Variants in DAG1 observed in about 807,000 individuals in gnomAD.
DAG1 encodes the protein dystroglycan 1 (dystrophin-associated glycoprotein 1).
Under a neutral mutation model 46.1 loss-of-function variants are expected in DAG1, and 8 were observed. That is an observed-to-expected ratio of 0.17 (90% CI 0.10 to 0.31). The LOEUF (loss-of-function observed/expected upper bound fraction) is 0.31, where lower values mean the gene tolerates loss of function less well. Ranked by LOEUF, DAG1 falls within the 10% of genes least tolerant of loss-of-function variation. The probability of loss-of-function intolerance (pLI) is 1.00; values close to 1 mark genes in which losing one functional copy is unlikely to be tolerated. For missense variants in DAG1, 1,003 were observed against 1,189.9 expected, an observed-to-expected ratio of 0.84 and a Z score of 2.31; for synonymous variants, 495 against 481.8, an observed-to-expected ratio of 1.03 and a Z score of -0.36.
chr3:49,531,008 C>G lies in DAG1; in HGVS notation c.497C>G (p.Ser166Trp). ...VYPEDHSELQSVRTASPDPGE... is the reference protein window; with the variant it reads ...VYPEDHSELQWVRTASPDPGE... ...CCTGAAGACCACAGTGAGCTGCAGT[C>G]GGTGAGGACAGCCTCCCCAGACCCT... Residue 166 changes from serine to tryptophan, a missense_variant, in exon 3 of 3, where the codon TCG (serine) becomes TGG (tryptophan). Ser to Trp is a radical substitution (Grantham distance 177). Coordinates refer to ENST00000308775, the MANE Select transcript of DAG1 (RefSeq NM_004393.6). This position sits in a 1 kb window ranked among gnomAD's most constrained non-coding sequence, Gnocchi z 7.0. 6.2e-7 allele frequency: 1 copy of G among 1,614,176 alleles called. No individual in the cohort carries two copies. Among genetic ancestry groups the G allele is most frequent in the Non-Finnish European group, 8.5e-7 (1 of 1,180,034 alleles).
At chr3:49,526,723 T>A (rs879812675) in intron 2 of DAG1, among the ~76,000 whole-genome samples, 25 of 151,840 alleles carry the variant, frequency 1.6e-4, no homozygotes, top group Non-Finnish European at 2.5e-4. Flanking sequence ...TCTCAAAAAA[T>A]AAATAAATAA....
chr3:49,520,922 C>T (rs1440879329), intron 2 of DAG1, among the ~76,000 whole-genome samples: 2 of 152,072 alleles, frequency 1.3e-5, no homozygotes, highest in Non-Finnish European at 1.5e-5. Flanking sequence ...CTTGTGTTTT[C>T]TTGGTTTCAT....
chr3:49,482,796 C>T (rs957997040), intron 1 of DAG1, among the ~76,000 whole-genome samples: 1 of 152,130 alleles, frequency 6.6e-6, no homozygotes, highest in Non-Finnish European at 1.5e-5. Flanking sequence ...GAATTGGAAT[C>T]AAATTCTTTT....
chr3:49,521,880 C>T (rs1255773956), intron 2 of DAG1, among the ~76,000 whole-genome samples: 2 of 150,522 alleles, frequency 1.3e-5, no homozygotes, highest in South Asian at 2.1e-4. Context: ...GATGGAGTCT[C>T]GCTCTGTCGC....
chr3:49,480,115 ATT>A (rs34246427), intron 1 of DAG1, among the ~76,000 whole-genome samples: 31 of 108,732 alleles, frequency 2.9e-4, no homozygotes, highest in African/African-American at 4.6e-4. Flanking sequence ...ACACCCGGCT[ATT>A]TTTTTTTTTT....
At chr3:49,505,285 AT>A (rs1469496737) in intron 1 of DAG1, among the ~76,000 whole-genome samples, 1 of 150,082 alleles carries the variant, frequency 6.7e-6, no homozygotes, top group Non-Finnish European at 1.5e-5. Context: ...CCCCGCCCTT[AT>A]TTTTTTTTAA....
chr3:49,486,933 A>T (rs934666303), intron 1 of DAG1, among the ~76,000 whole-genome samples: 1 of 152,162 alleles, frequency 6.6e-6, no homozygotes, highest in South Asian at 2.1e-4. Context: ...TCTGTTGCCC[A>T]GGCTGGAGTG....
chr3:49,528,865 T>TTC (rs1422203309), intron 2 of DAG1, among the ~76,000 whole-genome samples: 1 of 151,810 alleles, frequency 6.6e-6, no homozygotes, highest in South Asian at 2.1e-4. Flanking sequence ...TTTTTTTTTT[T>TTC]TCTGAGATGG....
At chr3:49,528,275 A>ATTTTTTTTTTT (rs147292984) in intron 2 of DAG1, among the ~76,000 whole-genome samples, 852 of 66,600 alleles carry the variant, frequency 0.013, 170 homozygotes, top group Non-Finnish European at 0.017. Context: ...AAATAGTGTG[A>ATTTTTTTTTTT]TTTTTTTTTT....
intron 1 of DAG1, among the ~76,000 whole-genome samples, chr3:49,500,987 A>C (rs979269648): frequency 3.9e-5 from 6 of 152,244 alleles, no homozygotes; most frequent in African/African-American, 1.4e-4. Context: ...TAGCACAGGC[A>C]GACATGACCC....
chr3:49,503,025 T>G (rs1217742817), intron 1 of DAG1, among the ~76,000 whole-genome samples: 1 of 152,224 alleles, frequency 6.6e-6, no homozygotes, highest in East Asian at 1.9e-4. Context: ...GAAAGCCTAT[T>G]GATATATTTT....
chr3:49,478,970 C>G (rs900692919), intron 1 of DAG1, among the ~76,000 whole-genome samples: 1 of 151,594 alleles, frequency 6.6e-6, no homozygotes. Context: ...CCCACCATCA[C>G]GCCGAGCTAA....
At chr3:49,481,932 GA>G (rs1485641176) in intron 1 of DAG1, among the ~76,000 whole-genome samples, 12 of 152,008 alleles carry the variant, frequency 7.9e-5, no homozygotes, top group African/African-American at 2.9e-4. Context: ...AAATATTTGG[GA>G]AAAAAGGATG....
At chr3:49,519,468 C>G (rs1315963264) in intron 2 of DAG1, among the ~76,000 whole-genome samples, 6 of 152,158 alleles carry the variant, frequency 3.9e-5, no homozygotes, top group Non-Finnish European at 8.8e-5. Context: ...ACAATGGGCA[C>G]TCTCTTTGGC....
chr3:49,472,713 A>C (rs1027798483), intron 1 of DAG1, among the ~76,000 whole-genome samples: 1 of 152,124 alleles, frequency 6.6e-6, no homozygotes, highest in Non-Finnish European at 1.5e-5. Context: ...AGGCTGAGGC[A>C]GGAGAATGGC....
chr3:49,501,018 T>A (rs1341787890), intron 1 of DAG1, among the ~76,000 whole-genome samples: 1 of 152,142 alleles, frequency 6.6e-6, no homozygotes, highest in Non-Finnish European at 1.5e-5. Flanking sequence ...GAAGCCAGCA[T>A]CAGAAAGACA....
intron 1 of DAG1, among the ~76,000 whole-genome samples, chr3:49,481,344 C>T (rs2049875931): frequency 6.9e-6 from 1 of 145,154 alleles, no homozygotes; most frequent in Admixed American, 7.1e-5. Flanking sequence ...TTGCAGTGAG[C>T]TGAGATAGTG....
rs759487039 is a variant in DAG1 at position 49,533,736 on chromosome 3, G to A, written c.*537G>A. On this transcript the variant is annotated 3_prime_UTR_variant, in exon 3 of 3. Coordinates refer to ENST00000308775, the MANE Select transcript of DAG1 (RefSeq NM_004393.6). Reference sequence around the variant, plus strand: ...CCTAAACTTGTATGTATAATTTTTGGGTGGGTATGGGGAATTGCTTTGCTA... The same window carrying A: ...CCTAAACTTGTATGTATAATTTTTGAGTGGGTATGGGGAATTGCTTTGCTA... The A allele has an allele frequency of 1.1e-5, 3 of 261,582 alleles. No individual in the cohort carries two copies. The highest frequency in any genetic ancestry group is 2.3e-5 in the African/African-American group (1 of 43,602). 16.2% of individuals were successfully genotyped at this position (261,582 alleles called of 1,614,324 possible).
Position 49,533,694 on chromosome 3 carries a change from G to A in DAG1, c.*495G>A, listed in dbSNP as rs2051434465. 3 of 292,400 alleles carry A rather than the reference G, an allele frequency of 1.0e-5. No individual in the cohort carries two copies. The highest frequency in any genetic ancestry group is 3.2e-5 in the South Asian group (1 of 31,658). The allele number at this position is 292,400 out of a possible 1,614,324, so 18.1% of individuals were successfully genotyped here. A position where few individuals can be genotyped will look rare whatever the true frequency, so the allele number is the denominator to read the frequency against. On this transcript the variant is annotated 3_prime_UTR_variant, in exon 3 of 3. Coordinates refer to ENST00000308775, the MANE Select transcript of DAG1 (RefSeq NM_004393.6). ...TCAGAAGTTAAGGTTAAGTTTTTAC[G>A]TTTAATCTGCTGTTTACCTAAACTT...
Sources: allele counts gnomAD v4.1 joint callset (sites outside exome capture counted in the v4.1 genomes callset), GRCh38; gene constraint gnomAD v4.1.1; non-coding constraint Gnocchi (gnomAD v3.1); transcripts MANE v1.5; gene names NCBI Gene and HGNC (gene_info 2026-07-23, HGNC 2026-07-21).